The following NRXN1 variants were observed in gnomAD, a reference collection of about 807,000 sequenced individuals.
NRXN1 encodes neurexin 1.
A neutral mutation model predicts 150.9 loss-of-function variants in NRXN1; 39 were observed. The ratio of observed to expected loss-of-function variants is 0.26; its 90% CI spans 0.20 to 0.34. The LOEUF (loss-of-function observed/expected upper bound fraction) is 0.34. Among genes scored for constraint, NRXN1 ranks in the 10% least tolerant of loss-of-function variants. The pLI is 1.00. For missense variants in NRXN1, 1,815 were observed against 1,949.9 expected, an observed-to-expected ratio of 0.93 and a Z score of 1.30; for synonymous variants, 924 against 757.0, an observed-to-expected ratio of 1.22 and a Z score of -3.62.
chr2:50,108,048 G>T (rs1452766), intron 18 of NRXN1, among the ~76,000 whole-genome samples: 40,374 of 151,552 alleles, frequency 0.27, 5,605 homozygotes, highest in African/African-American at 0.32. Context: ...CTCCAAAGTA[G>T]GTGTTCTTAA....
At chr2:50,636,812 G>C (rs1374263081) in intron 5 of NRXN1, among the ~76,000 whole-genome samples, 1 of 152,058 alleles carries the variant, frequency 6.6e-6, no homozygotes, top group Admixed American at 6.6e-5. Flanking sequence ...CAATGGATTT[G>C]CTAGTGTTAC....
intron 9 of NRXN1, chr2:50,548,002 G>C (rs2105317333): frequency 6.6e-6 from 1 of 152,262 alleles, no homozygotes; most frequent in Middle Eastern, 3.4e-3. Context: ...AAATGAGAAA[G>C]TTTTAGAAAA....
chr2:49,950,066 C>A (rs558613884), intron 21 of NRXN1, among the ~76,000 whole-genome samples: 7 of 151,662 alleles, frequency 4.6e-5, no homozygotes, highest in African/African-American at 1.7e-4. Flanking sequence ...GTCCTGATAA[C>A]CTATGGAGCA....
intron 5 of NRXN1, among the ~76,000 whole-genome samples, chr2:50,819,185 A>G (rs567328167): frequency 6.6e-6 from 1 of 152,242 alleles, no homozygotes; most frequent in African/African-American, 2.4e-5. Flanking sequence ...TCTGGTATTC[A>G]CCCAAAGGAA....
At chr2:50,081,289 T>G (rs1697922921) in intron 19 of NRXN1, among the ~76,000 whole-genome samples, 1 of 152,162 alleles carries the variant, frequency 6.6e-6, no homozygotes, top group Non-Finnish European at 1.5e-5. Context: ...TAAAACCAAC[T>G]TATTCCTGGC....
At chr2:50,181,435 A>G (rs377353419) in intron 18 of NRXN1, among the ~76,000 whole-genome samples, 1 of 152,086 alleles carries the variant, frequency 6.6e-6, no homozygotes, top group Non-Finnish European at 1.5e-5. Context: ...TTTTAGGTAG[A>G]TGCGGCATTA....
At chr2:50,211,182 A>T (rs1574511101) in intron 18 of NRXN1, among the ~76,000 whole-genome samples, 1 of 151,846 alleles carries the variant, frequency 6.6e-6, no homozygotes, top group Non-Finnish European at 1.5e-5. Context: ...TACCTTATGT[A>T]AGAAAGCCCA....
At chr2:50,829,155 T>C (rs1574627398) in intron 5 of NRXN1, among the ~76,000 whole-genome samples, 1 of 151,340 alleles carries the variant, frequency 6.6e-6, no homozygotes, top group East Asian at 2.0e-4. Context: ...GGCAGGGAGG[T>C]TGCAGTGAGC....
intron 18 of NRXN1, among the ~76,000 whole-genome samples, chr2:50,157,447 T>C (rs1443997724): frequency 6.6e-6 from 1 of 152,024 alleles, no homozygotes; most frequent in African/African-American, 2.4e-5. Flanking sequence ...ATTCCAGGAA[T>C]ACGTATTTTA....
intron 17 of NRXN1, among the ~76,000 whole-genome samples, chr2:50,270,425 C>G (rs12476988): frequency 0.068 from 10,339 of 152,064 alleles, 407 homozygotes; most frequent in Middle Eastern, 0.12. Flanking sequence ...AGTAGTATTA[C>G]TATTTGTATT....
At chr2:50,511,266 G>A (rs1312242410) in intron 12 of NRXN1, among the ~76,000 whole-genome samples, 1 of 152,070 alleles carries the variant, frequency 6.6e-6, no homozygotes, top group African/African-American at 2.4e-5. Flanking sequence ...CACCATGTTC[G>A]AGGCCAGTCT....
intron 17 of NRXN1, among the ~76,000 whole-genome samples, chr2:50,430,703 G>A (rs1163262451): frequency 2.0e-5 from 3 of 152,114 alleles, no homozygotes; most frequent in African/African-American, 7.2e-5. Context: ...TAGTTAATGT[G>A]TTTCTGGGTT....
At chr2:50,009,620 T>G (rs781100416) in intron 21 of NRXN1, among the ~76,000 whole-genome samples, 1 of 152,160 alleles carries the variant, frequency 6.6e-6, no homozygotes. Flanking sequence ...GCATATTTAC[T>G]AAGGTTTGTC....
At chr2:50,189,170 T>G (rs1452336587) in intron 18 of NRXN1, among the ~76,000 whole-genome samples, 4 of 152,092 alleles carry the variant, frequency 2.6e-5, no homozygotes, top group Admixed American at 1.3e-4. Flanking sequence ...ATATACACAA[T>G]GGAATACTAT....
intron 21 of NRXN1, among the ~76,000 whole-genome samples, chr2:49,973,482 G>C (rs1678324372): frequency 6.6e-6 from 1 of 152,028 alleles, no homozygotes; most frequent in Non-Finnish European, 1.5e-5. Flanking sequence ...AGCATGCATG[G>C]TCAGAATCTA....
chr2:50,294,617 T>TG (rs978288518), intron 17 of NRXN1, among the ~76,000 whole-genome samples: 3 of 152,128 alleles, frequency 2.0e-5, no homozygotes, highest in Non-Finnish European at 4.4e-5. Context: ...TGATCCAGCC[T>TG]GGGGTGGAGA....
chr2:50,891,575 T>G (rs1457663919), intron 5 of NRXN1, among the ~76,000 whole-genome samples: 1 of 152,092 alleles, frequency 6.6e-6, no homozygotes, highest in East Asian at 1.9e-4. Context: ...TCTATAAAAA[T>G]TAATCATTAC....
chr2:50,161,651 C>A (rs2059370728), intron 18 of NRXN1, among the ~76,000 whole-genome samples: 1 of 152,108 alleles, frequency 6.6e-6, no homozygotes, highest in South Asian at 2.1e-4. Context: ...TCTGGAAAGT[C>A]CATAATAATT....
chr2:50,236,318 C>A (rs2065412384), intron 18 of NRXN1, among the ~76,000 whole-genome samples: 1 of 152,018 alleles, frequency 6.6e-6, no homozygotes, highest in African/African-American at 2.4e-5. Context: ...CCCCAAGTAT[C>A]CTTAAAGTAT....
Sources: allele counts gnomAD v4.1 joint callset (sites outside exome capture counted in the v4.1 genomes callset), GRCh38; gene constraint gnomAD v4.1.1; transcripts MANE v1.5; gene names NCBI Gene and HGNC (gene_info 2026-07-23, HGNC 2026-07-21).